Variants in TRPS1 observed in about 807,000 individuals in gnomAD.
TRPS1 encodes the protein zinc finger transcription factor Trps1.
In TRPS1, 6 loss-of-function variants were observed where a neutral mutation model predicts 101.2. The ratio of observed to expected loss-of-function variants is 0.06; its 90% confidence interval spans 0.03 to 0.12. The LOEUF is 0.12. Among genes scored for constraint, TRPS1 ranks in the 10% least tolerant of loss-of-function variants. The probability of loss-of-function intolerance (pLI) is 1.00; values close to 1 mark genes in which losing one functional copy is unlikely to be tolerated. For synonymous variants in TRPS1, 578 were observed against 589.8 expected (o/e 0.98, Z 0.29); for missense variants, 1,363 against 1,567.0 (o/e 0.87, Z 2.20).
chr8:115,628,710 G>C (rs1302501732), intron 1 of TRPS1, among the ~76,000 whole-genome samples: 1 of 151,796 alleles, frequency 6.6e-6, no homozygotes, highest in African/African-American at 2.4e-5. Flanking sequence ...TGGTATTTCA[G>C]AACATTCTGC....
intron 1 of TRPS1, among the ~76,000 whole-genome samples, chr8:115,662,179 G>C (rs1457945449): frequency 1.3e-5 from 2 of 151,958 alleles, no homozygotes; most frequent in Non-Finnish European, 2.9e-5. Context: ...AACATATCAA[G>C]TAAATCAAAA....
At chr8:115,655,080 G>A (rs1369117401) in intron 1 of TRPS1, among the ~76,000 whole-genome samples, 1 of 152,094 alleles carries the variant, frequency 6.6e-6, no homozygotes, top group African/African-American at 2.4e-5. Context: ...AACCAAGTAG[G>A]GGGAAGTCAC....
intron 5 of TRPS1, among the ~76,000 whole-genome samples, chr8:115,463,184 A>G (rs1057242194): frequency 6.6e-6 from 1 of 152,220 alleles, no homozygotes; most frequent in African/African-American, 2.4e-5. Context: ...TCATAAATCT[A>G]TCAAGGTAGG....
chr8:115,650,577 T>C (rs969921934), intron 1 of TRPS1, among the ~76,000 whole-genome samples: 1 of 152,008 alleles, frequency 6.6e-6, no homozygotes, highest in African/African-American at 2.4e-5. Context: ...AATTGTCAGA[T>C]AAAATAATTC....
At position 115,476,095 on chromosome 8, in the gene TRPS1, T is replaced by C. The variant is rs371437193; in HGVS notation, c.2701-57643A>G. Among the ~76,000 whole-genome samples the C allele has an allele frequency of 9.1e-4, 16 of 17,612 alleles. 5 individuals are homozygous for C. Among genetic ancestry groups the C allele is most frequent in the Non-Finnish European group, 8.2e-4 (11 of 13,386 alleles). 11.6% of individuals were successfully genotyped at this position (17,612 alleles called of 152,430 possible). A position where few individuals can be genotyped will look rare whatever the true frequency, so the allele number is the denominator to read the frequency against. On this transcript the variant is annotated intron_variant, in intron 5 of 6. Coordinates refer to ENST00000395715, the MANE Select transcript of TRPS1 (RefSeq NM_014112.5). ...GTGCAGTGGCGGGATCTCGGCTCAC[T>C]GCAAGCTCCGCCTCCCGGGTTCACG...
At chr8:115,548,356 G>A (rs1408745052) in intron 5 of TRPS1, among the ~76,000 whole-genome samples, 2 of 151,784 alleles carry the variant, frequency 1.3e-5, no homozygotes. Context: ...GTTTGTTTTT[G>A]AGACAGAGTC....
intron 1 of TRPS1, among the ~76,000 whole-genome samples, chr8:115,647,673 G>A (rs77888760): frequency 0.022 from 3,317 of 152,106 alleles, 122 homozygotes; most frequent in African/African-American, 0.076. Flanking sequence ...CCTTGAAAAC[G>A]CTATATGACA....
Position 115,603,916 on chromosome 8 carries a change from C to T in TRPS1, c.2053G>A (p.Asp685Asn). 1.9e-6 allele frequency: 3 copies of T among 1,613,946 alleles called. No individual in the cohort carries two copies. The highest frequency in any genetic ancestry group is 2.5e-6 in the Non-Finnish European group (3 of 1,179,934). The change falls in exon 4 of 7, where the codon GAT (aspartate) becomes AAT (asparagine). Residue 685 changes from aspartate to asparagine, a missense_variant. By Grantham distance (23) the Asp-to-Asn change is conservative. Transcript: ENST00000395715. ...TCTTCTTCCACTTGGGTAATAAAAT[C>T]ACATTTGGTACATGAGTGTTCTTTG... is the stretch of plus-strand genomic sequence containing the variant. ...ESKEHSCTKCDFITQVEEEIS... is the reference protein window; with the variant it reads ...ESKEHSCTKCNFITQVEEEIS...
Position 115,471,916 on chromosome 8 carries a change from G to C in TRPS1, c.2701-53464C>G, listed in dbSNP as rs1463701747. ...GCAAGAGGTGGGCTCCCATGGCCTT[G>C]GGCAGCTCCACCCCTGTGGTTTGCA... On this transcript the variant is annotated intron_variant, in intron 5 of 6. Transcript: ENST00000395715. Among the ~76,000 whole-genome samples, 7 of 152,170 alleles carry C rather than the reference G, an allele frequency of 4.6e-5. 1 individual carries two copies. The highest frequency in any genetic ancestry group is 2.6e-4 in the Admixed American group (4 of 15,276).
intron 5 of TRPS1, among the ~76,000 whole-genome samples, chr8:115,519,100 C>CT (rs959568579): frequency 6.0e-5 from 9 of 150,846 alleles, no homozygotes; most frequent in Non-Finnish European, 1.3e-4. Flanking sequence ...TATTTTAGAA[C>CT]TTTTTTTTTG....
Position 115,414,902 on chromosome 8 carries a change from A to T in TRPS1, c.3006T>A (p.Thr1002=), listed in dbSNP as rs770216886. Residue 1002 remains threonine, a synonymous_variant, in exon 7 of 7, where the codon ACT becomes ACA. Coordinates refer to ENST00000395715, the MANE Select transcript of TRPS1 (RefSeq NM_014112.5). The surrounding 1 kb of genome is among the most constrained non-coding windows in gnomAD (Gnocchi z 4.8). ...PLERRSEDHL[T]ESHQREIPLP... is the part of the protein sequence containing the mutation. Reference sequence around the variant, plus strand: ...GTGGAATTTCTCTCTGGTGACTTTCAGTTAGATGATCTTCTGACCTCCTCT... The same window carrying T: ...GTGGAATTTCTCTCTGGTGACTTTCTGTTAGATGATCTTCTGACCTCCTCT... 5.5e-5 allele frequency: 89 copies of T among 1,611,214 alleles called. No homozygotes were observed. The South Asian group carries it at 9.0e-4, about 16-fold the overall frequency.
intron 5 of TRPS1, among the ~76,000 whole-genome samples, chr8:115,580,537 G>A (rs1046664739): frequency 9.9e-5 from 15 of 151,942 alleles, no homozygotes; most frequent in Non-Finnish European, 1.3e-4. Context: ...GTTCTTTTGG[G>A]GGCCCTGTTA....
At chr8:115,479,008 A>C (rs1814685478) in intron 5 of TRPS1, among the ~76,000 whole-genome samples, 1 of 150,724 alleles carries the variant, frequency 6.6e-6, no homozygotes, top group Non-Finnish European at 1.5e-5. Flanking sequence ...CATATTATTC[A>C]GCTAACTTAA....
At chr8:115,433,413 A>G (rs1813370769) in intron 5 of TRPS1, among the ~76,000 whole-genome samples, 1 of 152,078 alleles carries the variant, frequency 6.6e-6, no homozygotes, top group Admixed American at 6.6e-5. Context: ...AGATAAATAG[A>G]TAATATTTAG....
intron 3 of TRPS1, among the ~76,000 whole-genome samples, chr8:115,615,159 T>C (rs368647180): frequency 2.0e-5 from 3 of 152,192 alleles, no homozygotes; most frequent in African/African-American, 7.2e-5. Context: ...ATAAATTTAA[T>C]AGCTGGAAAC....
chr8:115,453,334 T>G (rs1813928953), intron 5 of TRPS1, among the ~76,000 whole-genome samples: 1 of 152,186 alleles, frequency 6.6e-6, no homozygotes, highest in South Asian at 2.1e-4. Flanking sequence ...CCAATATTTT[T>G]AAACCTAAAG....
At chr8:115,591,687 A>C (rs1817682261) in intron 4 of TRPS1, among the ~76,000 whole-genome samples, 1 of 152,204 alleles carries the variant, frequency 6.6e-6, no homozygotes, top group Non-Finnish European at 1.5e-5. Context: ...AACACAGAGA[A>C]GAGTGGGGAT....
intron 4 of TRPS1, among the ~76,000 whole-genome samples, chr8:115,603,009 A>G (rs1422247913): frequency 6.6e-6 from 1 of 152,154 alleles, no homozygotes; most frequent in African/African-American, 2.4e-5. Context: ...TAATCATCTA[A>G]GTGTCTCATC....
chr8:115,616,525 CTTT>C (rs58999466), intron 3 of TRPS1, among the ~76,000 whole-genome samples: 5 of 138,292 alleles, frequency 3.6e-5, no homozygotes, highest in Admixed American at 7.3e-5. Flanking sequence ...GCTTCTGTTA[CTTT>C]TTTTTTTTTT....
Sources: gnomAD v4.1 joint callset for allele counts (sites outside exome capture counted in the v4.1 genomes callset) on GRCh38, gnomAD v4.1.1 for gene constraint, Gnocchi (gnomAD v3.1) non-coding constraint, MANE v1.5 for transcripts, NCBI Gene and HGNC (gene_info 2026-07-23, HGNC 2026-07-21) for gene names.